Variants in STRADA observed in about 807,000 individuals in gnomAD.
The protein encoded by STRADA is STE20 related adaptor alpha.
In STRADA, 26 loss-of-function variants were observed where a neutral mutation model predicts 55.0. The ratio of observed to expected loss-of-function variants is 0.47; its 90% CI spans 0.35 to 0.66. The LOEUF (loss-of-function observed/expected upper bound fraction) is 0.66. STRADA is among the 30% of genes least tolerant of loss of function. The pLI is 0.01. For missense variants in STRADA, 443 were observed against 549.7 expected (o/e 0.81, Z 1.94); for synonymous variants, 197 against 210.9 (o/e 0.93, Z 0.57).
Position 63,703,431 on chromosome 17 carries a change from G to C in STRADA, c.*168C>G. 1.5e-6 allele frequency: 1 copy of C among 659,924 alleles called. No individual in the cohort carries two copies. Among genetic ancestry groups the C allele is most frequent in the Non-Finnish European group, 2.6e-6 (1 of 391,600 alleles). 40.9% of individuals were successfully genotyped at this position (659,924 alleles called of 1,614,324 possible). The stretch of plus-strand genomic sequence containing the variant: ...GTCTCAAAAGCCTTGGAGCAGTGAA[G>C]TGTCTCTCCAGGATTTTCTTTCCCA... On this transcript the variant is annotated 3_prime_UTR_variant, in exon 13 of 13. Transcript: ENST00000336174.
chr17:63,704,619 G>T (rs1307232965), intron 10 of STRADA, 37 bp from the exon 11 acceptor site: 7 of 1,264,348 alleles, frequency 5.5e-6, no homozygotes, highest in East Asian at 4.2e-5. Context: ...GCTGTAGCGG[G>T]TGGGGGGGGG....
At chr17:63,707,519 G>A (rs556941806) in intron 8 of STRADA, 101 bp from the exon 9 acceptor site, 19 of 1,127,252 alleles carry the variant, frequency 1.7e-5, no homozygotes, top group East Asian at 2.4e-5. Flanking sequence ...TCCTGTGTGC[G>A]TGTGTTATAC....
At chr17:63,741,325 C>G (rs1437759946) in intron 1 of STRADA, 1 of 152,244 alleles carries the variant, frequency 6.6e-6, no homozygotes, top group Admixed American at 6.6e-5. Context: ...TGTGTCCTTA[C>G]GAGGACTTGA....
intron 1 of STRADA, among the ~76,000 whole-genome samples, chr17:63,739,837 T>G (rs1311784571): frequency 6.9e-6 from 1 of 145,882 alleles, no homozygotes; most frequent in African/African-American, 2.5e-5. Context: ...ATTATATGTA[T>G]ATACATATAA....
At chr17:63,735,328 G>T (rs1034089161) in intron 1 of STRADA, among the ~76,000 whole-genome samples, 1 of 152,136 alleles carries the variant, frequency 6.6e-6, no homozygotes, top group Admixed American at 6.6e-5. Flanking sequence ...GAAATAAGAC[G>T]AGCATGGTAT....
intron 6 of STRADA, chr17:63,711,078 C>CT: frequency 1.5e-5 from 8 of 525,324 alleles, no homozygotes; most frequent in Non-Finnish European, 2.4e-5. Flanking sequence ...AGGGTGCCAG[C>CT]ACACCGACTC....
chr17:63,736,817 T>G (rs1025242335), intron 1 of STRADA, among the ~76,000 whole-genome samples: 1 of 146,406 alleles, frequency 6.8e-6, no homozygotes, highest in African/African-American at 2.6e-5. Context: ...GGGTGGAAAG[T>G]GGCCTATTTC....
intron 10 of STRADA, chr17:63,705,907 G>C (rs1415595211): frequency 6.6e-6 from 1 of 152,196 alleles, no homozygotes; most frequent in Non-Finnish European, 1.5e-5. Flanking sequence ...GCTCTGGGGG[G>C]CTGCACTCTG....
At chr17:63,740,086 CTATATAT>C (rs1792414614) in intron 1 of STRADA, among the ~76,000 whole-genome samples, 1 of 41,524 alleles carries the variant, frequency 2.4e-5, no homozygotes, top group African/African-American at 2.0e-4. Context: ...ACATTTAACA[CTATATAT>C]ATATATATAT....
intron 4 of STRADA, among the ~76,000 whole-genome samples, chr17:63,718,367 TCAAG>T (rs1253709091): frequency 1.3e-5 from 2 of 152,188 alleles, no homozygotes; most frequent in African/African-American, 4.8e-5. Flanking sequence ...GCAAAAAGCC[TCAAG>T]CAAGAGTTCT....
chr17:63,738,019 GA>G (rs2144334927), intron 1 of STRADA, among the ~76,000 whole-genome samples: 1 of 150,774 alleles, frequency 6.6e-6, no homozygotes, highest in East Asian at 1.9e-4. Flanking sequence ...AAAGAAAAAC[GA>G]AAATAAACGA....
At chr17:63,709,828 C>T (rs1330531868) in intron 8 of STRADA, among the ~76,000 whole-genome samples, 1 of 152,076 alleles carries the variant, frequency 6.6e-6, no homozygotes, top group Non-Finnish European at 1.5e-5. Flanking sequence ...CTGTCTTCGC[C>T]CTGGTCTCTC....
intron 3 of STRADA, chr17:63,725,710 C>T (rs2037605027): frequency 1.3e-5 from 2 of 151,028 alleles, no homozygotes; most frequent in African/African-American, 4.9e-5. Flanking sequence ...AGCTCTGTTT[C>T]CCAGGCTGGA....
intron 1 of STRADA, among the ~76,000 whole-genome samples, chr17:63,734,932 T>C (rs1224228711): frequency 1.3e-5 from 2 of 152,150 alleles, no homozygotes; most frequent in Non-Finnish European, 2.9e-5. Context: ...CCAAGGCAGG[T>C]GGATCACCTG....
At chr17:63,703,950 G>T (rs1301962684) in intron 12 of STRADA, 55 bp downstream of exon 12, 6 of 1,608,908 alleles carry the variant, frequency 3.7e-6, no homozygotes, top group Middle Eastern at 1.6e-4. Context: ...TAAAGGGATT[G>T]TGAGTTGTTA....
chr17:63,729,078 C>T (rs2037853157), intron 1 of STRADA, among the ~76,000 whole-genome samples: 2 of 152,068 alleles, frequency 1.3e-5, no homozygotes. Flanking sequence ...GAGACAGGGT[C>T]TCTCTATGTG....
At chr17:63,737,277 A>AAAAAAAAAAAAAAAAAG (rs2038514342) in intron 1 of STRADA, 2 of 143,504 alleles carry the variant, frequency 1.4e-5, no homozygotes, top group Non-Finnish European at 1.5e-5. Flanking sequence ...AAAAAAAAAA[A>AAAAAAAAAAAAAAAAAG]TTGAGATAGT....
rs777595036 is a variant in STRADA, at chr17:63,707,261, C to T, written c.739G>A (p.Glu247Lys). ...SVKVLPWLSP[E>K]VLQQNLQGYD... ...CACACACAGACCTGCTGGAGGACCTCGGGGCTGAGCCACGGCAGAACCTTG... is the reference window on the plus strand; with the variant it reads ...CACACACAGACCTGCTGGAGGACCTTGGGGCTGAGCCACGGCAGAACCTTG... Residue 247 changes from glutamate to lysine, a missense_variant, in exon 9 of 13, where the codon GAG (glutamate) becomes AAG (lysine). By Grantham distance (56) the Glu-to-Lys change is moderately conservative (BLOSUM62 1). Transcript: ENST00000336174. 3.7e-6 allele frequency: 6 copies of T among 1,614,156 alleles called. No homozygotes were observed. The highest frequency in any genetic ancestry group is 2.2e-5 in the South Asian group (2 of 91,086).
chr17:63,710,301 G>A (rs189341597), intron 8 of STRADA, 190 bp downstream of exon 8: 14 of 884,944 alleles, frequency 1.6e-5, no homozygotes, highest in Admixed American at 1.2e-4. Flanking sequence ...CCTCCCAAGC[G>A]CTGTGATTAC....
Sources: allele counts gnomAD v4.1 joint callset (sites outside exome capture counted in the v4.1 genomes callset), GRCh38; gene constraint gnomAD v4.1.1; transcripts MANE v1.5; gene names NCBI Gene and HGNC (gene_info 2026-07-23, HGNC 2026-07-21).